The following PEX5 variants were observed in gnomAD, a reference collection of about 807,000 sequenced individuals.
PEX5 encodes the protein peroxisomal biogenesis factor 5.
Under a neutral mutation model 82.9 loss-of-function variants are expected in PEX5, and 52 were observed. That is an observed-to-expected ratio of 0.63 (90% confidence interval 0.50 to 0.79). The LOEUF (loss-of-function observed/expected upper bound fraction) is 0.79. PEX5 is among the 30% of genes least tolerant of loss of function. The pLI is 0.00. For missense variants in PEX5, 719 were observed against 815.2 expected (o/e 0.88, Z 1.44); for synonymous variants, 300 against 318.8 (o/e 0.94, Z 0.63).
intron 6 of PEX5, among the ~76,000 whole-genome samples, chr12:7,200,641 A>G (rs1943727323): frequency 2.6e-5 from 4 of 152,056 alleles, no homozygotes; most frequent in African/African-American, 9.6e-5. Context: ...CAATCCCGGC[A>G]CCTCGGGAGG....
intron 6 of PEX5, 95 bp from the exon 7 acceptor site, chr12:7,201,656 C>A: frequency 1.1e-6 from 1 of 900,136 alleles, no homozygotes. Context: ...GGAGTTCCCT[C>A]ACAGGAACTG....
At chr12:7,207,835 A>G (rs1945007912) in intron 11 of PEX5, 33 bp downstream of exon 11, 1 of 1,612,304 alleles carries the variant, frequency 6.2e-7, no homozygotes, top group African/African-American at 1.3e-5. Flanking sequence ...TTCTGGCTAG[A>G]GACTGCTTCC....
chr12:7,196,219 ATG>A (rs1942115406), intron 5 of PEX5, among the ~76,000 whole-genome samples: 3 of 40,646 alleles, frequency 7.4e-5, no homozygotes, highest in Non-Finnish European at 2.3e-4. Context: ...ATAATTATAT[ATG>A]TCATATATAA....
intron 5 of PEX5, among the ~76,000 whole-genome samples, chr12:7,197,314 C>T (rs867377380): frequency 4.1e-4 from 15 of 36,396 alleles, no homozygotes; most frequent in South Asian, 3.5e-3. Context: ...ATAATGTAAT[C>T]ATATGTCATA....
intron 6 of PEX5, among the ~76,000 whole-genome samples, chr12:7,199,931 A>AC (rs1311313061): frequency 5.0e-5 from 4 of 80,752 alleles, no homozygotes; most frequent in South Asian, 5.7e-4. Context: ...CGGGGGGCTG[A>AC]CCCCCACCTC....
intron 10 of PEX5, among the ~76,000 whole-genome samples, chr12:7,204,064 T>A (rs928234819): frequency 5.9e-5 from 9 of 152,254 alleles, no homozygotes; most frequent in Non-Finnish European, 8.8e-5. Flanking sequence ...TTAGGGAAAT[T>A]TCTTAGTAGT....
At chr12:7,200,929 G>A (rs867459991) in intron 6 of PEX5, among the ~76,000 whole-genome samples, 1 of 148,346 alleles carries the variant, frequency 6.7e-6, no homozygotes, top group South Asian at 2.2e-4. Context: ...GAGAGGGAGA[G>A]GGCTTACTTT....
intron 9 of PEX5, 97 bp from the exon 10 acceptor site, chr12:7,203,335 C>T: frequency 7.3e-7 from 1 of 1,363,442 alleles, no homozygotes; most frequent in Non-Finnish European, 1.0e-6. Context: ...TATTGAAATT[C>T]AAGAACTGCT....
chr12:7,202,659 A>G lies in PEX5; in HGVS notation c.801A>G (p.Thr267=), dbSNP rs1243197291. Residue 267 remains threonine (T), a synonymous_variant, in exon 9 of 16, where the codon ACA becomes ACG. Coordinates refer to ENST00000675855, the MANE Select transcript of PEX5 (RefSeq NM_001351132.2). ...ACCAGTTCACAAGACCAGTAAACACATCTGCCCTTGATATGGAGTTTGAAC... is the reference window on the plus strand; with the variant it reads ...ACCAGTTCACAAGACCAGTAAACACGTCTGCCCTTGATATGGAGTTTGAAC... ...WVDQFTRPVN[T]SALDMEFERA... The G allele has an allele frequency of 1.9e-6, 3 of 1,614,106 alleles. No individual in the cohort carries two copies. The highest frequency in any genetic ancestry group is 2.2e-5 in the East Asian group (1 of 44,896).
chr12:7,194,698 T>A (rs1446074854), intron 5 of PEX5, among the ~76,000 whole-genome samples: 1 of 152,178 alleles, frequency 6.6e-6, no homozygotes, highest in Non-Finnish European at 1.5e-5. Flanking sequence ...GTTCTTAAAT[T>A]TAGACAGCTT....
intron 17 of PEX5, among the ~76,000 whole-genome samples, chr12:7,217,717 TG>T (rs1945817710): frequency 6.6e-6 from 1 of 152,250 alleles, no homozygotes; most frequent in East Asian, 1.9e-4. Context: ...GAATGACCCT[TG>T]GTGGCCTGGG....
intron 13 of PEX5, 54 bp downstream of exon 13, chr12:7,208,723 G>A (rs1365093738): frequency 1.4e-5 from 21 of 1,466,170 alleles, no homozygotes; most frequent in Non-Finnish European, 1.9e-5. Flanking sequence ...AGTCCCAGTA[G>A]GAGGGTGACC....
intron 5 of PEX5, among the ~76,000 whole-genome samples, chr12:7,194,940 T>G (rs1390816083): frequency 6.6e-6 from 1 of 152,200 alleles, no homozygotes; most frequent in Non-Finnish European, 1.5e-5. Flanking sequence ...TATTCATTGG[T>G]TTTCACCGCA....
intron 3 of PEX5, 110 bp downstream of exon 3, chr12:7,191,033 G>A (rs1940999017): frequency 1.7e-5 from 21 of 1,208,406 alleles, no homozygotes; most frequent in Non-Finnish European, 2.5e-5. Flanking sequence ...GACCGAATGA[G>A]AATGCCTGCT....
At chr12:7,189,954 C>T (rs750531658) in intron 1 of PEX5, 10 of 1,490,966 alleles carry the variant, frequency 6.7e-6, no homozygotes, top group Middle Eastern at 1.7e-4. Flanking sequence ...GCCGTGCTCA[C>T]CGCGTGCTGG....
chr12:7,210,382 T>A lies in PEX5; in HGVS notation c.*159T>A, dbSNP rs939667592. Reference sequence around the variant, plus strand: ...CAACGTAGGGGTGGGTAGTCTGTGTTCTAGTTCCTACATAATTGTAGGAAA... The same window carrying A: ...CAACGTAGGGGTGGGTAGTCTGTGTACTAGTTCCTACATAATTGTAGGAAA... On this transcript the variant is annotated 3_prime_UTR_variant, in exon 16 of 16. Coordinates refer to ENST00000675855, the MANE Select transcript of PEX5 (RefSeq NM_001351132.2). 40 of 696,714 alleles carry A rather than the reference T, an allele frequency of 5.7e-5. No homozygotes were observed. The East Asian group carries it at 1.1e-3, about 19-fold the overall frequency. The allele number at this position is 696,714 out of a possible 1,614,324, so 43.2% of individuals were successfully genotyped here. A position where few individuals can be genotyped will look rare whatever the true frequency, so the allele number is the denominator to read the frequency against.
At chr12:7,201,160 T>G (rs977072430) in intron 6 of PEX5, among the ~76,000 whole-genome samples, 22 of 47,662 alleles carry the variant, frequency 4.6e-4, no homozygotes, top group Admixed American at 1.2e-3. Context: ...CACACACATA[T>G]ATACACACAT....
At position 7,210,587 on chromosome 12, in the gene PEX5, CT is replaced by C; in HGVS notation, c.*367del. 5 of 375,638 alleles carry C rather than the reference CT, an allele frequency of 1.3e-5. No individual in the cohort carries two copies. The highest frequency in any genetic ancestry group is 2.5e-5 in the Non-Finnish European group (5 of 196,376). The allele number at this position is 375,638 out of a possible 1,614,324, so 23.3% of individuals were successfully genotyped here. On this transcript the variant is annotated 3_prime_UTR_variant, in exon 16 of 16. Transcript: ENST00000675855. The stretch of plus-strand genomic sequence containing the variant: ...GTCTACCACATCTGTAATGTCTGTC[CT>C]TTCCCCCACTTTTACTGGGAATTGA...
At chr12:7,197,440 T>TATA (rs1565689011) in intron 5 of PEX5, among the ~76,000 whole-genome samples, 2 of 89,136 alleles carry the variant, frequency 2.2e-5, no homozygotes, top group African/African-American at 3.8e-5. Context: ...TACAATGTAA[T>TATA]TATGTTATAT....
Sources: allele counts gnomAD v4.1 joint callset (sites outside exome capture counted in the v4.1 genomes callset), GRCh38; gene constraint gnomAD v4.1.1; transcripts MANE v1.5; gene names NCBI Gene and HGNC (gene_info 2026-07-23, HGNC 2026-07-21).